PPP2R3C: variants seen among roughly 807,000 people sequenced by gnomAD.
PPP2R3C encodes serine/threonine-protein phosphatase 2A regulatory subunit B'' subunit gamma.
In PPP2R3C, 47 loss-of-function variants were observed where a neutral mutation model predicts 63.7. That is an observed-to-expected ratio of 0.74 (90% CI 0.58 to 0.94). The LOEUF is 0.94. Ranked by LOEUF, PPP2R3C falls within the 40% of genes least tolerant of loss-of-function variation. The probability of loss-of-function intolerance (pLI) is 0.00; values close to 1 mark genes in which losing one functional copy is unlikely to be tolerated. For missense variants in PPP2R3C, 421 were observed against 518.4 expected (o/e 0.81, Z 1.82); for synonymous variants, 180 against 177.4 (o/e 1.01, Z -0.12).
At chr14:35,112,363 A>G (rs2046589175) in intron 2 of PPP2R3C, among the ~76,000 whole-genome samples, 1 of 152,204 alleles carries the variant, frequency 6.6e-6, no homozygotes, top group African/African-American at 2.4e-5. Context: ...TTGGCCTCCC[A>G]AAGTGCTAGG....
At chr14:35,112,222 G>C (rs972059396) in intron 2 of PPP2R3C, among the ~76,000 whole-genome samples, 1 of 152,190 alleles carries the variant, frequency 6.6e-6, no homozygotes, top group African/African-American at 2.4e-5. Flanking sequence ...CAGAGCTTTA[G>C]AATGATTCAT....
intron 1 of PPP2R3C, 59 bp downstream of exon 1, chr14:35,121,843 C>T (rs45508403): frequency 8.2e-6 from 13 of 1,584,004 alleles, no homozygotes; most frequent in African/African-American, 4.0e-5. Context: ...CCACCTCCCC[C>T]CTACCTCTAG....
At chr14:35,121,781 G>T in intron 1 of PPP2R3C, 121 bp downstream of exon 1, 1 of 1,115,526 alleles carries the variant, frequency 9.0e-7, no homozygotes, top group Non-Finnish European at 1.3e-6. Context: ...CGCCTCCTTT[G>T]TCGGGAGGTT....
chr14:35,091,491 C>T (rs377010509), intron 10 of PPP2R3C, among the ~76,000 whole-genome samples: 1,826 of 152,108 alleles, frequency 0.012, 48 homozygotes, highest in African/African-American at 0.042. Flanking sequence ...CCTCAGCCTC[C>T]GGAGTAGCTG....
chr14:35,115,769 G>A (rs1238265967), intron 2 of PPP2R3C, among the ~76,000 whole-genome samples: 4 of 152,006 alleles, frequency 2.6e-5, no homozygotes, highest in African/African-American at 7.3e-5. Flanking sequence ...TTACCGGCGC[G>A]CGCCACCACG....
At position 35,099,249 on chromosome 14, in the gene PPP2R3C, T is replaced by C. The variant is rs2046106531; in HGVS notation, c.706+3A>G. On this transcript the variant is annotated splice_donor_region_variant and intron_variant, in intron 7 of 12. Coordinates refer to ENST00000261475, the MANE Select transcript of PPP2R3C (RefSeq NM_017917.4). ...ATCTAAGTTAGATAAGATTTTCTTT[T>C]ACCTGTTCTTAAAGGATCTAAAAAG... 6.4e-7 allele frequency: 1 copy of C among 1,562,746 alleles called. No homozygotes were observed.
intron 2 of PPP2R3C, among the ~76,000 whole-genome samples, chr14:35,113,625 C>T (rs893041266): frequency 6.6e-5 from 10 of 152,164 alleles, no homozygotes; most frequent in African/African-American, 2.4e-4. Flanking sequence ...ACCCACACCA[C>T]TACCTCACTG....
At chr14:35,113,587 CTT>C (rs1434162653) in intron 2 of PPP2R3C, among the ~76,000 whole-genome samples, 2 of 152,164 alleles carry the variant, frequency 1.3e-5, no homozygotes, top group Non-Finnish European at 2.9e-5. Flanking sequence ...CTATGGCACT[CTT>C]TTCATGCATT....
At chr14:35,094,316 C>T (rs1001996922) in intron 10 of PPP2R3C, among the ~76,000 whole-genome samples, 3 of 152,076 alleles carry the variant, frequency 2.0e-5, no homozygotes, top group African/African-American at 4.8e-5. Flanking sequence ...ACTACAGGCA[C>T]ATTCCATCCA....
Position 35,090,247 on chromosome 14 carries a change from T to G in PPP2R3C, c.1113+823A>C, listed in dbSNP as rs1254204304. On this transcript the variant is annotated intron_variant, in intron 11 of 12. Transcript: ENST00000261475. ...ACTTTGGTAGTTGTAGTTTTTTTTT[T>G]TTTTTTTTTTTTGAGACCGAGTGTT... Among the ~76,000 whole-genome samples, 4 of 149,052 alleles carry G rather than the reference T, an allele frequency of 2.7e-5. No individual in the cohort carries two copies. The East Asian group carries it at 5.9e-4, about 22-fold the overall frequency.
chr14:35,103,677 CA>C (rs1158026847), intron 6 of PPP2R3C, among the ~76,000 whole-genome samples: 2 of 150,186 alleles, frequency 1.3e-5, no homozygotes, highest in South Asian at 2.1e-4. Flanking sequence ...GGCAAGAAAA[CA>C]AAAAAAAGAA....
At chr14:35,113,954 G>A (rs918946386) in intron 2 of PPP2R3C, among the ~76,000 whole-genome samples, 1 of 151,796 alleles carries the variant, frequency 6.6e-6, no homozygotes, top group Non-Finnish European at 1.5e-5. Context: ...CTTTTGCATT[G>A]AGAACCCAAG....
intron 4 of PPP2R3C, 135 bp downstream of exon 4, chr14:35,109,684 C>T (rs2046484600): frequency 1.6e-6 from 1 of 638,076 alleles, no homozygotes; most frequent in Non-Finnish European, 2.5e-6. Context: ...TCAAACACCC[C>T]AGCTCAAGCA....
At chr14:35,107,494 AC>A in intron 5 of PPP2R3C, 120 bp from the exon 6 acceptor site, 1 of 766,754 alleles carries the variant, frequency 1.3e-6, no homozygotes, top group Non-Finnish European at 2.2e-6. Context: ...ATTTCTTCTC[AC>A]CACAAAATTG....
chr14:35,102,382 A>C (rs1220802011), intron 6 of PPP2R3C: 1 of 152,114 alleles, frequency 6.6e-6, no homozygotes, highest in Non-Finnish European at 1.5e-5. Context: ...TCAAATATCA[A>C]ATTTCTGGTA....
intron 5 of PPP2R3C, 138 bp downstream of exon 5, chr14:35,108,001 A>G (rs2046416184): frequency 7.9e-7 from 1 of 1,273,246 alleles, no homozygotes; most frequent in Non-Finnish European, 1.0e-6. Context: ...TTTATGTAAC[A>G]CATCTTGGTC....
At chr14:35,088,593 T>G (rs1229114528) in intron 11 of PPP2R3C, among the ~76,000 whole-genome samples, 1 of 152,244 alleles carries the variant, frequency 6.6e-6, no homozygotes, top group Non-Finnish European at 1.5e-5. Context: ...TTTCAAATTC[T>G]TGGTGAACAG....
At chr14:35,093,875 T>C (rs577039137) in intron 10 of PPP2R3C, among the ~76,000 whole-genome samples, 1 of 152,230 alleles carries the variant, frequency 6.6e-6, no homozygotes, top group East Asian at 1.9e-4. Flanking sequence ...ATGGTCTCCA[T>C]CTCCTGACCT....
chr14:35,119,411 A>T (rs1002721991), intron 1 of PPP2R3C, among the ~76,000 whole-genome samples: 1 of 151,984 alleles, frequency 6.6e-6, no homozygotes, highest in African/African-American at 2.4e-5. Flanking sequence ...ATCATAGCTC[A>T]CTGCAGCCCC....
Sources: allele counts gnomAD v4.1 joint callset (sites outside exome capture counted in the v4.1 genomes callset), GRCh38; gene constraint gnomAD v4.1.1; transcripts MANE v1.5; gene names NCBI Gene and HGNC (gene_info 2026-07-23, HGNC 2026-07-21).